The following TLN2 variants were observed in gnomAD, a reference collection of about 807,000 sequenced individuals.
TLN2 encodes talin 2, also known as talin-2.
TLN2 carries 118 observed loss-of-function variants against 294.7 expected under a neutral mutation model. The observed-to-expected ratio is 0.40, with a 90% confidence interval of 0.34 to 0.47. The LOEUF (loss-of-function observed/expected upper bound fraction) is 0.47. TLN2 is among the 20% of genes least tolerant of loss of function. TLN2 has a pLI of 0.84. For missense variants in TLN2, 3,083 were observed against 3,282.2 expected (o/e 0.94, Z 1.48); for synonymous variants, 1,431 against 1,304.5 (o/e 1.10, Z -2.09).
chr15:62,412,265 A>T (rs1376059208), intron 1 of TLN2, among the ~76,000 whole-genome samples: 1 of 152,216 alleles, frequency 6.6e-6, no homozygotes, highest in East Asian at 1.9e-4. Context: ...GAGGACTGGG[A>T]CACCTGTCAA....
chr15:62,675,361 C>T (rs770645975), intron 11 of TLN2, 40 bp downstream of exon 11: 13 of 1,589,162 alleles, frequency 8.2e-6, no homozygotes, highest in Non-Finnish European at 1.1e-5. Context: ...ACCTTGGCCC[C>T]TTCTTTTTTC....
Position 62,831,234 on chromosome 15 carries a change from C to T in TLN2, c.7003-2270C>T, listed in dbSNP as rs561716066. 63 of 152,050 alleles carry T rather than the reference C, an allele frequency of 4.1e-4. 1 individual carries two copies. Among genetic ancestry groups the T allele is most frequent in the African/African-American group, 1.5e-3 (62 of 41,490 alleles). 9.4% of individuals were successfully genotyped at this position (152,050 alleles called of 1,614,324 possible). On this transcript the variant is annotated intron_variant, in intron 54 of 58. Coordinates refer to ENST00000636159, the MANE Select transcript of TLN2 (RefSeq NM_015059.3). ...AGTATTCCACACTGTAAAGTGGACT[C>T]GGGCGTGGAACCCATAGAGTAGCTG...
chr15:62,594,237 C>T (rs2046304706), intron 2 of TLN2, among the ~76,000 whole-genome samples: 1 of 152,204 alleles, frequency 6.6e-6, no homozygotes, highest in South Asian at 2.1e-4. Context: ...GAGACAGGAT[C>T]TCTCTCTGAC....
At chr15:62,674,593 C>T (rs115591726) in intron 10 of TLN2, among the ~76,000 whole-genome samples, 3 of 137,768 alleles carry the variant, frequency 2.2e-5, no homozygotes, top group Admixed American at 7.2e-5. Context: ...CCTCCCCCCG[C>T]CCTGTTCAAG....
At chr15:62,572,660 C>G (rs1039936754) in intron 1 of TLN2, among the ~76,000 whole-genome samples, 5 of 152,216 alleles carry the variant, frequency 3.3e-5, no homozygotes, top group Non-Finnish European at 5.9e-5. Context: ...GCATTGGAGA[C>G]TAAACTGAGT....
intron 1 of TLN2, among the ~76,000 whole-genome samples, chr15:62,566,555 A>G (rs965803813): frequency 6.6e-6 from 1 of 151,838 alleles, no homozygotes; most frequent in Admixed American, 6.6e-5. Flanking sequence ...AAGTGAGCAC[A>G]TATTTGCGAA....
chr15:62,436,801 G>A (rs1240814429), intron 1 of TLN2, among the ~76,000 whole-genome samples: 3 of 152,194 alleles, frequency 2.0e-5, no homozygotes, highest in Admixed American at 2.0e-4. Flanking sequence ...ATAGCTCACT[G>A]CAGCCTCGAA....
At chr15:62,401,418 G>C (rs1252624043) in intron 1 of TLN2, among the ~76,000 whole-genome samples, 1 of 152,196 alleles carries the variant, frequency 6.6e-6, no homozygotes, top group East Asian at 1.9e-4. Context: ...AGCAGAATTG[G>C]TAGTGATAGT....
intron 42 of TLN2, 74 bp downstream of exon 42, chr15:62,771,208 T>C: frequency 2.1e-6 from 3 of 1,426,622 alleles, no homozygotes; most frequent in Admixed American, 2.3e-5. Flanking sequence ...TAATGTGTCC[T>C]TCCAGGAGAA....
chr15:62,457,880 G>C (rs1315529469), intron 1 of TLN2, among the ~76,000 whole-genome samples: 1 of 152,216 alleles, frequency 6.6e-6, no homozygotes, highest in Non-Finnish European at 1.5e-5. Flanking sequence ...ACCTAGAATG[G>C]ATTCCTACGG....
At chr15:62,425,333 G>A (rs377270652) in intron 1 of TLN2, among the ~76,000 whole-genome samples, 2 of 150,100 alleles carry the variant, frequency 1.3e-5, no homozygotes, top group Non-Finnish European at 1.5e-5. Flanking sequence ...TACTGCCTGC[G>A]GTTGATCTCC....
chr15:62,631,657 T>TTCTTTC (rs2049902112), intron 3 of TLN2, among the ~76,000 whole-genome samples: 1 of 143,928 alleles, frequency 6.9e-6, no homozygotes, highest in African/African-American at 2.5e-5. Context: ...TTCCTTCTTT[T>TTCTTTC]TCTTTCTTTC....
chr15:62,406,450 T>C (rs1266436813), intron 1 of TLN2, among the ~76,000 whole-genome samples: 1 of 152,226 alleles, frequency 6.6e-6, no homozygotes, highest in Admixed American at 6.5e-5. Context: ...GCTTTGGCAG[T>C]GCAACAGCTC....
intron 1 of TLN2, among the ~76,000 whole-genome samples, chr15:62,556,037 G>A (rs978664645): frequency 6.0e-5 from 9 of 149,314 alleles, no homozygotes; most frequent in African/African-American, 2.2e-4. Context: ...CGTTGACTTA[G>A]TTGACTTTAC....
At chr15:62,486,452 G>GTTTT (rs34975634) in intron 1 of TLN2, among the ~76,000 whole-genome samples, 17 of 93,288 alleles carry the variant, frequency 1.8e-4, no homozygotes, top group South Asian at 3.2e-4. Flanking sequence ...CAGTTCCTTT[G>GTTTT]TTTTTTTTTT....
intron 1 of TLN2, among the ~76,000 whole-genome samples, chr15:62,572,673 G>A (rs777067661): frequency 6.6e-6 from 1 of 152,196 alleles, no homozygotes; most frequent in Non-Finnish European, 1.5e-5. Context: ...AACTGAGTCC[G>A]GATCGATGCT....
intron 1 of TLN2, among the ~76,000 whole-genome samples, chr15:62,557,888 A>T (rs1445275916): frequency 3.3e-5 from 5 of 152,198 alleles, no homozygotes; most frequent in Admixed American, 3.3e-4. Flanking sequence ...TGTGCCTAAA[A>T]GCCACAAGCC....
chr15:62,556,432 G>A (rs1242768667), intron 1 of TLN2, among the ~76,000 whole-genome samples: 1 of 151,672 alleles, frequency 6.6e-6, no homozygotes, highest in African/African-American at 2.4e-5. Flanking sequence ...TCAGCTTCCT[G>A]GGTAGCTGGG....
chr15:62,415,962 A>C (rs2034056816), intron 1 of TLN2, among the ~76,000 whole-genome samples: 1 of 152,186 alleles, frequency 6.6e-6, no homozygotes, highest in African/African-American at 2.4e-5. Flanking sequence ...GTCTGGGTGG[A>C]AGTTGGGATG....
Sources: allele counts gnomAD v4.1 joint callset (sites outside exome capture counted in the v4.1 genomes callset), GRCh38; gene constraint gnomAD v4.1.1; transcripts MANE v1.5; gene names NCBI Gene and HGNC (gene_info 2026-07-23, HGNC 2026-07-21).